CLVS1: variants seen among roughly 807,000 people sequenced by gnomAD.
CLVS1 encodes the protein clavesin-1.
In CLVS1, 10 loss-of-function variants were observed where a neutral mutation model predicts 33.1. The observed-to-expected ratio is 0.30, with a 90% CI of 0.19 to 0.51. The LOEUF (loss-of-function observed/expected upper bound fraction) is 0.51, where lower values mean the gene tolerates loss of function less well. Among genes scored for constraint, CLVS1 ranks in the 20% least tolerant of loss-of-function variants. The pLI, the probability that CLVS1 is intolerant of heterozygous loss-of-function variation, is 0.97. For synonymous variants in CLVS1, 163 were observed against 166.1 expected (o/e 0.98, Z 0.14); for missense variants, 343 against 433.4 (o/e 0.79, Z 1.85).
intron 1 of CLVS1, among the ~76,000 whole-genome samples, chr8:61,115,323 A>C (rs1421743212): frequency 2.6e-5 from 4 of 151,576 alleles, no homozygotes; most frequent in African/African-American, 9.7e-5. Context: ...ATTTAAAAAA[A>C]TGGCAACTCT....
chr8:61,322,592 C>G (rs1811234699), intron 2 of CLVS1, among the ~76,000 whole-genome samples: 1 of 152,130 alleles, frequency 6.6e-6, no homozygotes, highest in African/African-American at 2.4e-5. Context: ...GTTTTACTCA[C>G]TTTCTCTTAT....
At chr8:61,203,620 C>A (rs955736065) in intron 2 of CLVS1, among the ~76,000 whole-genome samples, 24 of 151,860 alleles carry the variant, frequency 1.6e-4, no homozygotes, top group African/African-American at 5.8e-4. Context: ...TATTTCTAAT[C>A]AAATGGGGAG....
chr8:61,294,410 T>C (rs1377497256), intron 1 of CLVS1, among the ~76,000 whole-genome samples: 1 of 152,160 alleles, frequency 6.6e-6, no homozygotes, highest in Non-Finnish European at 1.5e-5. Flanking sequence ...TTGTTGGTTT[T>C]CCAACTTTAA....
chr8:61,257,429 T>A (rs560730598), intron 2 of CLVS1, among the ~76,000 whole-genome samples: 1 of 152,338 alleles, frequency 6.6e-6, no homozygotes, highest in Non-Finnish European at 1.5e-5. Flanking sequence ...AAATTATATA[T>A]GATTCAAGCA....
intron 4 of CLVS1, among the ~76,000 whole-genome samples, chr8:61,454,558 C>A (rs1253853660): frequency 3.9e-5 from 6 of 152,236 alleles, no homozygotes; most frequent in Admixed American, 3.9e-4. Flanking sequence ...CTGGGTCCAG[C>A]AGCTTTCCTG....
At chr8:61,097,492 C>A (rs1407825213) in intron 1 of CLVS1, among the ~76,000 whole-genome samples, 1 of 152,112 alleles carries the variant, frequency 6.6e-6, no homozygotes. Flanking sequence ...GTGAGAGTTT[C>A]TAGGACGTGT....
intron 3 of CLVS1, among the ~76,000 whole-genome samples, chr8:61,392,969 C>T (rs1027886788): frequency 7.2e-5 from 11 of 152,010 alleles, no homozygotes; most frequent in Admixed American, 1.3e-4. Flanking sequence ...CTGCAACCTC[C>T]GCCTCCTGGG....
chr8:61,493,719 GCTCA>G (rs551262549), intron 5 of CLVS1, among the ~76,000 whole-genome samples: 4 of 152,152 alleles, frequency 2.6e-5, no homozygotes, highest in Admixed American at 6.6e-5. Flanking sequence ...CTTTACATAG[GCTCA>G]CTATTAGGCA....
chr8:61,230,743 A>G (rs1239626162), intron 2 of CLVS1, among the ~76,000 whole-genome samples: 3 of 152,210 alleles, frequency 2.0e-5, no homozygotes, highest in Admixed American at 6.5e-5. Flanking sequence ...TTGGGCTGCT[A>G]TAACAAAAAT....
intron 2 of CLVS1, among the ~76,000 whole-genome samples, chr8:61,357,929 G>A (rs115184222): frequency 8.3e-4 from 127 of 152,234 alleles, no homozygotes; most frequent in Middle Eastern, 3.4e-3. Context: ...TGATCTTTCA[G>A]ATCCCTTCCC....
intron 1 of CLVS1, among the ~76,000 whole-genome samples, chr8:61,085,960 G>T (rs1286868347): frequency 2.8e-5 from 4 of 141,056 alleles, no homozygotes; most frequent in African/African-American, 5.3e-5. Context: ...GGCGTGAACC[G>T]TGGAGGCGGA....
At chr8:61,268,650 C>G (rs1325980216) in intron 2 of CLVS1, among the ~76,000 whole-genome samples, 4 of 133,104 alleles carry the variant, frequency 3.0e-5, no homozygotes, top group Non-Finnish European at 6.4e-5. Context: ...AAAAGTGTTC[C>G]TATTTCTCCA....
At chr8:61,439,844 G>GA in intron 3 of CLVS1, among the ~76,000 whole-genome samples, 1 of 151,762 alleles carries the variant, frequency 6.6e-6, no homozygotes, top group Non-Finnish European at 1.5e-5. Flanking sequence ...TTTATGATTA[G>GA]AAAAAAATGG....
intron 2 of CLVS1, among the ~76,000 whole-genome samples, chr8:61,225,762 A>G (rs944487478): frequency 5.3e-5 from 8 of 152,236 alleles, no homozygotes; most frequent in Admixed American, 3.3e-4. Context: ...ACAATGTACA[A>G]TGGTCTGAGC....
intron 2 of CLVS1, among the ~76,000 whole-genome samples, chr8:61,166,886 TTTTC>T (rs1391776385): frequency 1.3e-5 from 2 of 150,748 alleles, no homozygotes; most frequent in Non-Finnish European, 3.0e-5. Context: ...TTTTTCTTTT[TTTTC>T]TTTTTTCTTT....
intron 2 of CLVS1, among the ~76,000 whole-genome samples, chr8:61,270,820 C>T (rs1209215934): frequency 3.0e-4 from 46 of 152,104 alleles, no homozygotes; most frequent in Non-Finnish European, 2.9e-5. Context: ...TTGTAGTATT[C>T]TCTGATGGTA....
the CLVS1 span, among the ~76,000 whole-genome samples, chr8:61,044,165 A>C: frequency 2.0e-5 from 3 of 152,302 alleles, no homozygotes; most frequent in East Asian, 3.9e-4. Context: ...ATGGTCCTAG[A>C]GGTATCTGGG....
intron 2 of CLVS1, among the ~76,000 whole-genome samples, chr8:61,313,832 T>C (rs557520307): frequency 1.3e-5 from 2 of 152,262 alleles, no homozygotes; most frequent in South Asian, 4.1e-4. Context: ...AGGATGCTCC[T>C]GCCTAGCCCT....
intron 1 of CLVS1, among the ~76,000 whole-genome samples, chr8:61,128,684 A>G (rs1387326627): frequency 6.6e-6 from 1 of 152,132 alleles, no homozygotes; most frequent in East Asian, 1.9e-4. Context: ...GACATTCAAT[A>G]CGTGAAGGTA....
Sources: gnomAD v4.1 joint callset for allele counts (sites outside exome capture counted in the v4.1 genomes callset) on GRCh38, gnomAD v4.1.1 for gene constraint, MANE v1.5 for transcripts, NCBI Gene and HGNC (gene_info 2026-07-23, HGNC 2026-07-21) for gene names.